Variants in NCAPD2 observed in about 807,000 individuals in gnomAD.
The protein encoded by NCAPD2 is condensin complex subunit 1.
In NCAPD2, 100 loss-of-function variants were observed where a neutral mutation model predicts 164.5. That is an observed-to-expected ratio of 0.61 (90% CI 0.52 to 0.72). NCAPD2 has a LOEUF of 0.72. NCAPD2 is among the 30% of genes least tolerant of loss of function. NCAPD2 has a pLI of 0.00. For synonymous variants in NCAPD2, 585 were observed against 642.6 expected, an observed-to-expected ratio of 0.91 and a Z score of 1.36; for missense variants, 1,560 against 1,749.2, an observed-to-expected ratio of 0.89 and a Z score of 1.93.
At chr12:6,527,349 C>T (rs958315556) in intron 22 of NCAPD2, among the ~76,000 whole-genome samples, 1 of 152,224 alleles carries the variant, frequency 6.6e-6, no homozygotes, top group East Asian at 1.9e-4. Flanking sequence ...CGCACGTACC[C>T]GCCGGCCTTT....
At position 6,531,217 on chromosome 12, in the gene NCAPD2, G is replaced by C. The variant is rs1565548820; in HGVS notation, c.4121-110G>C. On this transcript the variant is annotated intron_variant, in intron 31 of 31. Coordinates refer to ENST00000315579, the MANE Select transcript of NCAPD2 (RefSeq NM_014865.4). This position sits in a 1 kb window ranked among gnomAD's most constrained non-coding sequence, Gnocchi z 4.1. Reference sequence around the variant, plus strand: ...AGAAGGGCCTCTCCTGTACAGCTTGGATTTTATTTCTTCTGTGCGGTGTGG... The same window carrying C: ...AGAAGGGCCTCTCCTGTACAGCTTGCATTTTATTTCTTCTGTGCGGTGTGG... 3.4e-6 allele frequency: 5 copies of C among 1,484,662 alleles called. No homozygotes were observed. Among genetic ancestry groups the C allele is most frequent in the Non-Finnish European group, 3.7e-6 (4 of 1,081,782 alleles). The allele number at this position is 1,484,662 out of a possible 1,614,324, so 92.0% of individuals were successfully genotyped here.
intron 22 of NCAPD2, 55 bp downstream of exon 22, chr12:6,527,118 T>A: frequency 8.6e-6 from 13 of 1,503,224 alleles, no homozygotes; most frequent in Non-Finnish European, 1.2e-5. Context: ...AGCTCAGAAC[T>A]GAGCTGATCC....
intron 2 of NCAPD2, among the ~76,000 whole-genome samples, chr12:6,501,227 ATTTTTTTTTTTTT>A (rs71067121): frequency 2.9e-5 from 2 of 69,214 alleles, no homozygotes; most frequent in Admixed American, 2.1e-4. Flanking sequence ...CGCCTGGCTA[ATTTTTTTTTTTTT>A]TTTTTTTTTT....
intron 6 of NCAPD2, among the ~76,000 whole-genome samples, chr12:6,511,461 T>A (rs1946146015): frequency 6.6e-6 from 1 of 151,914 alleles, no homozygotes; most frequent in African/African-American, 2.4e-5. Context: ...GCCTCCCGAG[T>A]AGCTGGGATT....
At chr12:6,506,284 T>C (rs1387187034) in intron 2 of NCAPD2, among the ~76,000 whole-genome samples, 1 of 152,054 alleles carries the variant, frequency 6.6e-6, no homozygotes, top group East Asian at 1.9e-4. Context: ...AAGTTTTAAC[T>C]TTATAATAGA....
At chr12:6,505,479 C>T (rs545058268) in intron 2 of NCAPD2, among the ~76,000 whole-genome samples, 13 of 152,100 alleles carry the variant, frequency 8.5e-5, no homozygotes, top group Non-Finnish European at 1.5e-4. Context: ...CGACAAGAGG[C>T]GGCTATGAAA....
intron 2 of NCAPD2, among the ~76,000 whole-genome samples, chr12:6,509,321 G>A (rs1426721669): frequency 6.6e-6 from 1 of 152,126 alleles, no homozygotes; most frequent in Non-Finnish European, 1.5e-5. Context: ...GAGTGCAATG[G>A]CACGATCTTG....
intron 2 of NCAPD2, among the ~76,000 whole-genome samples, chr12:6,497,705 C>G (rs1053100540): frequency 6.7e-6 from 1 of 149,954 alleles, no homozygotes; most frequent in Admixed American, 6.7e-5. Context: ...CTGCAGCCTC[C>G]GCCTCCCGAG....
intron 2 of NCAPD2, among the ~76,000 whole-genome samples, chr12:6,505,127 A>G (rs937371959): frequency 6.6e-6 from 1 of 152,160 alleles, no homozygotes; most frequent in Non-Finnish European, 1.5e-5. Context: ...GTGCAGTGGC[A>G]TGATCTCGAC....
At chr12:6,512,216 G>A (rs1300879671) in intron 6 of NCAPD2, among the ~76,000 whole-genome samples, 10 of 148,228 alleles carry the variant, frequency 6.7e-5, no homozygotes, top group Non-Finnish European at 1.2e-4. Context: ...AGCTTGCAGT[G>A]ACCTGAGATC....
chr12:6,518,496 G>A (rs1946225036), intron 13 of NCAPD2, among the ~76,000 whole-genome samples: 1 of 50,500 alleles, frequency 2.0e-5, no homozygotes, highest in East Asian at 4.3e-4. Flanking sequence ...CCTTACAGCC[G>A]TCAACAAGTT....
intron 2 of NCAPD2, among the ~76,000 whole-genome samples, chr12:6,506,898 A>G (rs1946104260): frequency 6.6e-6 from 1 of 152,172 alleles, no homozygotes; most frequent in Non-Finnish European, 1.5e-5. Flanking sequence ...TTAGCATATT[A>G]GTGGACCTAC....
At chr12:6,530,490 C>T (rs1370972766) in intron 29 of NCAPD2, among the ~76,000 whole-genome samples, 1 of 152,214 alleles carries the variant, frequency 6.6e-6, no homozygotes, top group Admixed American at 6.5e-5. Context: ...CCCTCTCTCC[C>T]CACAACCCCT....
chr12:6,518,060 A>G, intron 13 of NCAPD2, 101 bp downstream of exon 13: 2 of 1,150,726 alleles, frequency 1.7e-6, no homozygotes, highest in Non-Finnish European at 2.5e-6. Context: ...GCACACAGAT[A>G]TGCTGCCACC....
Position 6,514,514 on chromosome 12 carries a change from C to T in NCAPD2, c.766C>T (p.Pro256Ser), listed in dbSNP as rs1278640183. ...GCTGCAGCACTTTGAACACCTGGCA[C>T]CTGTACTGGTTGCAGCCGTGAGTCT... ...QMLQHFEHLA[P>S]VLVAAVSLWA... Residue 256 changes from proline (P) to serine (S), a missense_variant, in exon 8 of 32, where the codon CCT (proline) becomes TCT (serine). Pro to Ser is a moderately conservative substitution (Grantham distance 74). Transcript: ENST00000315579. 1.9e-6 allele frequency: 3 copies of T among 1,614,182 alleles called. No homozygotes were observed. Among genetic ancestry groups the T allele is most frequent in the Admixed American group, 1.7e-5 (1 of 60,012 alleles).
At chr12:6,513,263 C>G (rs955311125) in intron 6 of NCAPD2, among the ~76,000 whole-genome samples, 1 of 152,146 alleles carries the variant, frequency 6.6e-6, no homozygotes, top group East Asian at 1.9e-4. Context: ...GTGAGGATGC[C>G]GGGTGCATGG....
chr12:6,504,170 C>CATATATATATACAT (rs1946067265), intron 2 of NCAPD2, among the ~76,000 whole-genome samples: 1 of 121,106 alleles, frequency 8.3e-6, no homozygotes, highest in South Asian at 3.1e-4. Context: ...TCAGTTTTGA[C>CATATATATATACAT]ATATATATAT....
Position 6,528,714 on chromosome 12 carries a change from C to T in NCAPD2, c.3335C>T (p.Ala1112Val), listed in dbSNP as rs751904500. Residue 1112 changes from alanine (A) to valine (V), a missense_variant, in exon 26 of 32, where the codon GCG (alanine) becomes GTG (valine). Coordinates refer to ENST00000315579, the MANE Select transcript of NCAPD2 (RefSeq NM_014865.4). This position sits in a 1 kb window ranked among gnomAD's most constrained non-coding sequence, Gnocchi z 5.1. ...CCTGCTCAGCAAGTGCGGAAAACAG[C>T]GGGGCTGGTGATGACCCACCTGATC... Reference protein sequence around the residue: ...RDPAQQVRKTAGLVMTHLILK... With the variant: ...RDPAQQVRKTVGLVMTHLILK... 3.1e-5 allele frequency: 50 copies of T among 1,613,692 alleles called. No individual in the cohort carries two copies. The highest frequency in any genetic ancestry group is 4.5e-5 in the East Asian group (2 of 44,884).
At chr12:6,507,062 A>T (rs1946105386) in intron 2 of NCAPD2, among the ~76,000 whole-genome samples, 1 of 152,246 alleles carries the variant, frequency 6.6e-6, no homozygotes, top group South Asian at 2.1e-4. Flanking sequence ...ATTCCGTAAT[A>T]GCCAGGATTC....
Sources: allele counts gnomAD v4.1 joint callset (sites outside exome capture counted in the v4.1 genomes callset), GRCh38; gene constraint gnomAD v4.1.1; non-coding constraint Gnocchi (gnomAD v3.1); transcripts MANE v1.5; gene names NCBI Gene and HGNC (gene_info 2026-07-23, HGNC 2026-07-21).